Variants in STARD13 observed in about 807,000 individuals in gnomAD.
The protein encoded by STARD13 is stAR-related lipid transfer protein 13.
In STARD13, 62 loss-of-function variants were observed where a neutral mutation model predicts 106.4. The observed-to-expected ratio is 0.58, with a 90% CI of 0.48 to 0.72. STARD13 has a LOEUF of 0.72. STARD13 is among the 30% of genes least tolerant of loss of function. STARD13 has a pLI of 0.00. For synonymous variants in STARD13, 565 were observed against 553.0 expected, an observed-to-expected ratio of 1.02 and a Z score of -0.31; for missense variants, 1,387 against 1,424.0, an observed-to-expected ratio of 0.97 and a Z score of 0.42.
At chr13:33,191,968 T>G (rs1318839558) in intron 1 of STARD13, among the ~76,000 whole-genome samples, 1 of 152,236 alleles carries the variant, frequency 6.6e-6, no homozygotes, top group African/African-American at 2.4e-5. Flanking sequence ...GCAGCCAGCC[T>G]GCAAATCAGC....
rs531939455 is a variant in STARD13, at chr13:33,194,975, T to C, written c.170-27353A>G. On this transcript the variant is annotated intron_variant, in intron 1 of 13. Coordinates refer to ENST00000336934, the MANE Select transcript of STARD13 (RefSeq NM_178006.4). Reference sequence around the variant, plus strand: ...GACTTCAAGGAAAAAGTTGTTTTTGTAAAAGAACTCATATTTTCCCATGCT... The same window carrying C: ...GACTTCAAGGAAAAAGTTGTTTTTGCAAAAGAACTCATATTTTCCCATGCT... Among the ~76,000 whole-genome samples, 346 of 152,372 alleles carry C rather than the reference T, an allele frequency of 2.3e-3. 5 individuals carry two copies. Among genetic ancestry groups the C allele is most frequent in the African/African-American group, 7.6e-3 (317 of 41,596 alleles).
the STARD13 span, among the ~76,000 whole-genome samples, chr13:33,430,149 C>T: frequency 6.6e-6 from 1 of 152,286 alleles, no homozygotes; most frequent in Admixed American, 6.5e-5. Context: ...GATCTCCTGA[C>T]CTAGTGATCC....
chr13:33,474,854 A>T, the STARD13 span, among the ~76,000 whole-genome samples: 162 of 152,300 alleles, frequency 1.1e-3, 4 homozygotes, highest in East Asian at 0.022. Flanking sequence ...ATTGGCAAAA[A>T]TCCCCCTGCA....
chr13:33,226,025 G>C (rs1356550992), intron 1 of STARD13, among the ~76,000 whole-genome samples: 1 of 152,184 alleles, frequency 6.6e-6, no homozygotes, highest in Non-Finnish European at 1.5e-5. Flanking sequence ...TATAAGAAGA[G>C]ACATCAGAGA....
chr13:33,675,970 C>T, the STARD13 span, among the ~76,000 whole-genome samples: 1 of 152,120 alleles, frequency 6.6e-6, no homozygotes, highest in Non-Finnish European at 1.5e-5. Context: ...ACAGGAAGAT[C>T]GGATTTTGTT....
At chr13:33,535,314 T>A in the STARD13 span, among the ~76,000 whole-genome samples, 1 of 152,206 alleles carries the variant, frequency 6.6e-6, no homozygotes, top group Admixed American at 6.5e-5. Flanking sequence ...AAGCACTGAC[T>A]GGAAATTTTA....
chr13:33,542,796 GC>G, the STARD13 span, among the ~76,000 whole-genome samples: 1 of 152,248 alleles, frequency 6.6e-6, no homozygotes, highest in Non-Finnish European at 1.5e-5. Context: ...CGTCTCCCCA[GC>G]GGCCCAGGCT....
At chr13:33,168,953 G>A (rs10492403) in intron 1 of STARD13, among the ~76,000 whole-genome samples, 12,292 of 152,272 alleles carry the variant, frequency 0.081, 642 homozygotes, top group East Asian at 0.26. Context: ...AGGAAACAGA[G>A]CCTGTGGTGG....
the STARD13 span, among the ~76,000 whole-genome samples, chr13:33,555,323 C>T: frequency 6.6e-6 from 1 of 152,296 alleles, no homozygotes; most frequent in Non-Finnish European, 1.5e-5. Context: ...AAAGCTTCTG[C>T]AGGGGAGAGG....
intron 1 of STARD13, among the ~76,000 whole-genome samples, chr13:33,177,258 G>C (rs993082220): frequency 6.6e-6 from 1 of 152,164 alleles, no homozygotes; most frequent in African/African-American, 2.4e-5. Context: ...TTGAATAAGA[G>C]ATAAAAGTGG....
At chr13:33,568,172 C>A in the STARD13 span, among the ~76,000 whole-genome samples, 1 of 147,998 alleles carries the variant, frequency 6.8e-6, no homozygotes, top group African/African-American at 2.5e-5. Context: ...CACTATAAAT[C>A]CTTTTATCAC....
chr13:33,571,152 G>T, the STARD13 span, among the ~76,000 whole-genome samples: 6 of 152,036 alleles, frequency 3.9e-5, no homozygotes, highest in Non-Finnish European at 7.4e-5. Flanking sequence ...ACTCCTGAGG[G>T]GAAGACATCT....
intron 1 of STARD13, among the ~76,000 whole-genome samples, chr13:33,198,136 C>G (rs889114089): frequency 6.6e-6 from 1 of 152,238 alleles, no homozygotes; most frequent in Non-Finnish European, 1.5e-5. Flanking sequence ...CCACTGCACT[C>G]CGGCCTGGGC....
chr13:33,587,009 T>G, the STARD13 span, among the ~76,000 whole-genome samples: 1 of 152,004 alleles, frequency 6.6e-6, no homozygotes, highest in Non-Finnish European at 1.5e-5. Context: ...AGGTCAGGAG[T>G]TCGGGATCAG....
At chr13:33,600,289 C>A in the STARD13 span, among the ~76,000 whole-genome samples, 1 of 152,124 alleles carries the variant, frequency 6.6e-6, no homozygotes, top group Non-Finnish European at 1.5e-5. Context: ...AAGCAAAGTA[C>A]AAATCTTGAT....
intron 1 of STARD13, among the ~76,000 whole-genome samples, chr13:33,172,811 G>C (rs1884121706): frequency 6.6e-6 from 1 of 152,122 alleles, no homozygotes; most frequent in African/African-American, 2.4e-5. Flanking sequence ...GAAAGAATCT[G>C]TTCTATTGTG....
chr13:33,333,172 T>G (rs2077856749), intron 1 of STARD13, among the ~76,000 whole-genome samples: 1 of 152,072 alleles, frequency 6.6e-6, no homozygotes, highest in African/African-American at 2.4e-5. Context: ...GGCAGATCCT[T>G]TGAGGTCAGG....
the STARD13 span, among the ~76,000 whole-genome samples, chr13:33,586,717 C>T: frequency 6.6e-6 from 1 of 150,984 alleles, no homozygotes; most frequent in African/African-American, 2.5e-5. Flanking sequence ...AGTCTTGCAA[C>T]ACACTGTGAT....
chr13:33,174,038 A>G lies in STARD13; in HGVS notation c.170-6416T>C, dbSNP rs754161354. On this transcript the variant is annotated intron_variant, in intron 1 of 13. Coordinates refer to ENST00000336934, the MANE Select transcript of STARD13 (RefSeq NM_178006.4). ...GAAATATCTTCTGGAAGCTGGATTCATAGCAAATCTAGTCACTTAATTCCT... is the reference window on the plus strand; with the variant it reads ...GAAATATCTTCTGGAAGCTGGATTCGTAGCAAATCTAGTCACTTAATTCCT... Among the ~76,000 whole-genome samples the G allele has an allele frequency of 2.0e-5, 3 of 152,304 alleles. No individual in the cohort carries two copies. The South Asian group carries it at 6.2e-4, about 32-fold the overall frequency.
Sources: gnomAD v4.1 joint callset for allele counts (sites outside exome capture counted in the v4.1 genomes callset) on GRCh38, gnomAD v4.1.1 for gene constraint, MANE v1.5 for transcripts, NCBI Gene and HGNC (gene_info 2026-07-23, HGNC 2026-07-21) for gene names.